Variants in IFT52 observed in about 807,000 individuals in gnomAD.
IFT52 encodes intraflagellar transport protein 52 homolog.
Under a neutral mutation model 54.4 loss-of-function variants are expected in IFT52, and 44 were observed. The ratio of observed to expected loss-of-function variants is 0.81; its 90% CI spans 0.63 to 1.04. The LOEUF (loss-of-function observed/expected upper bound fraction) is 1.04. Ranked by LOEUF, IFT52 falls within the 50% of genes least tolerant of loss-of-function variation. The probability of loss-of-function intolerance (pLI) is 0.00; values close to 1 mark genes in which losing one functional copy is unlikely to be tolerated. For missense variants in IFT52, 452 were observed against 523.6 expected (o/e 0.86, Z 1.33); for synonymous variants, 181 against 185.3 (o/e 0.98, Z 0.19).
At chr20:43,615,884 C>T (rs908441988) in intron 7 of IFT52, among the ~76,000 whole-genome samples, 14 of 152,028 alleles carry the variant, frequency 9.2e-5, no homozygotes, top group Non-Finnish European at 2.9e-5. Context: ...TGCAGTGAGC[C>T]GAGATTGTGC....
intron 10 of IFT52, among the ~76,000 whole-genome samples, chr20:43,635,092 T>C (rs1279694497): frequency 6.6e-6 from 1 of 151,232 alleles, no homozygotes; most frequent in Non-Finnish European, 1.5e-5. Context: ...CACTTGAACC[T>C]GGCAGGCAGA....
At chr20:43,633,109 T>G (rs1985283464) in intron 10 of IFT52, among the ~76,000 whole-genome samples, 2 of 152,186 alleles carry the variant, frequency 1.3e-5, no homozygotes, top group African/African-American at 2.4e-5. Flanking sequence ...TTTGGGAGGC[T>G]GAGGTGGGTG....
chr20:43,609,949 G>A (rs1983288836), intron 6 of IFT52, among the ~76,000 whole-genome samples: 1 of 145,002 alleles, frequency 6.9e-6, no homozygotes, highest in Admixed American at 6.9e-5. Context: ...ACTCCGTCTT[G>A]AAAAAATAAA....
intron 12 of IFT52, among the ~76,000 whole-genome samples, chr20:43,639,625 G>A (rs569421145): frequency 4.6e-5 from 7 of 152,212 alleles, no homozygotes; most frequent in South Asian, 2.1e-4. Context: ...AGCCGAGATC[G>A]TGTCATTGCA....
intron 13 of IFT52, 126 bp downstream of exon 13, chr20:43,642,750 G>A: frequency 1.2e-6 from 1 of 860,398 alleles, no homozygotes; most frequent in Non-Finnish European, 1.8e-6. Context: ...TCTACTAGGT[G>A]AACAAAACAG....
Position 43,623,924 on chromosome 20 carries a change from A to G in IFT52, c.802A>G (p.Thr268Ala). ...SDYMMLPYTA[T>A]LSKRNRECLQ... ...CTACATGATGCTGCCCTACACAGCC[A>G]CCCTATCAAAGCGGAATCGAGAGTG... Residue 268 changes from threonine to alanine, a missense_variant, in exon 10 of 14, where the codon ACC becomes GCC. By Grantham distance (58) the Thr-to-Ala change is moderately conservative. Transcript: ENST00000373030. 1 of 1,614,174 alleles carries G rather than the reference A, an allele frequency of 6.2e-7. No homozygotes were observed. The highest frequency in any genetic ancestry group is 8.5e-7 in the Non-Finnish European group (1 of 1,180,024).
rs761611965 is a variant in IFT52, at chr20:43,594,777, T to G, written c.79T>G (p.Ser27Ala). ...EIFTTNNGYK[S>A]MQKKLRSNWK... is the part of the protein sequence containing the mutation. ...ATTTACCACCAACAATGGCTACAAA[T>G]CCATGCAGAAAAAACTTCGGAGTAA... Residue 27 changes from serine to alanine, a missense_variant, in exon 2 of 14, where the codon TCC becomes GCC. Ser to Ala is a moderately conservative substitution (Grantham distance 99, BLOSUM62 1). Coordinates refer to ENST00000373030, the MANE Select transcript of IFT52 (RefSeq NM_016004.5). 5 of 1,612,466 alleles carry G rather than the reference T, an allele frequency of 3.1e-6. No individual in the cohort carries two copies. In the East Asian group the frequency reaches 8.9e-5, roughly 29 times the overall value.
chr20:43,623,489 C>G (rs1984493561), intron 9 of IFT52, among the ~76,000 whole-genome samples: 1 of 152,170 alleles, frequency 6.6e-6, no homozygotes, highest in Non-Finnish European at 1.5e-5. Context: ...CTGGGAAAAT[C>G]ATTTTGATGG....
At chr20:43,609,958 A>G (rs1983290863) in intron 6 of IFT52, among the ~76,000 whole-genome samples, 1 of 151,110 alleles carries the variant, frequency 6.6e-6, no homozygotes, top group Non-Finnish European at 1.5e-5. Flanking sequence ...TGAAAAAATA[A>G]AATAAAATTA....
At chr20:43,616,921 G>A (rs1359273644) in intron 7 of IFT52, among the ~76,000 whole-genome samples, 1 of 152,072 alleles carries the variant, frequency 6.6e-6, no homozygotes, top group Non-Finnish European at 1.5e-5. Flanking sequence ...GCTGAGGCAG[G>A]AGGATCACTT....
intron 12 of IFT52, among the ~76,000 whole-genome samples, chr20:43,641,393 C>T (rs774736426): frequency 6.6e-6 from 1 of 152,086 alleles, no homozygotes; most frequent in South Asian, 2.1e-4. Flanking sequence ...CATGCACCAC[C>T]ACGCCCGGCT....
intron 10 of IFT52, among the ~76,000 whole-genome samples, chr20:43,626,434 C>T (rs1984728286): frequency 1.3e-5 from 2 of 151,846 alleles, no homozygotes; most frequent in South Asian, 2.1e-4. Flanking sequence ...TTAGTAGAGT[C>T]GGGGTTTCAC....
At chr20:43,621,001 A>T in intron 9 of IFT52, 76 bp downstream of exon 9, 1 of 1,026,500 alleles carries the variant, frequency 9.7e-7, no homozygotes, top group African/African-American at 1.6e-5. Flanking sequence ...ACAGCTCAAA[A>T]GGAATACATG....
chr20:43,611,579 A>C (rs746932389), intron 6 of IFT52, among the ~76,000 whole-genome samples: 17 of 150,106 alleles, frequency 1.1e-4, no homozygotes, highest in Non-Finnish European at 2.5e-4. Flanking sequence ...CTGGGATTAC[A>C]GGTGCCCGCC....
intron 10 of IFT52, among the ~76,000 whole-genome samples, chr20:43,633,491 C>T (rs1489935106): frequency 1.3e-5 from 2 of 151,716 alleles, no homozygotes; most frequent in South Asian, 4.2e-4. Context: ...GGGTGGATCA[C>T]GAGGTCAGGA....
chr20:43,620,269 G>A (rs1418123230), intron 8 of IFT52, among the ~76,000 whole-genome samples: 1 of 152,106 alleles, frequency 6.6e-6, no homozygotes, highest in African/African-American at 2.4e-5. Context: ...ACAGTAAATA[G>A]GGATTAATTC....
intron 12 of IFT52, among the ~76,000 whole-genome samples, chr20:43,638,551 G>A (rs905002044): frequency 1.3e-5 from 2 of 151,964 alleles, no homozygotes; most frequent in Non-Finnish European, 2.9e-5. Flanking sequence ...TAGGAGGATC[G>A]CTTGAACTTA....
At chr20:43,640,016 T>G (rs1181315406) in intron 12 of IFT52, among the ~76,000 whole-genome samples, 1 of 151,508 alleles carries the variant, frequency 6.6e-6, no homozygotes, top group Non-Finnish European at 1.5e-5. Flanking sequence ...TAAACAAAAT[T>G]AGCCGGGCAT....
At chr20:43,646,658 G>A (rs1432733554) in intron 13 of IFT52, among the ~76,000 whole-genome samples, 1 of 152,094 alleles carries the variant, frequency 6.6e-6, no homozygotes, top group Non-Finnish European at 1.5e-5. Flanking sequence ...GACACCCGAG[G>A]CCAATATAAG....
Sources: gnomAD v4.1 joint callset for allele counts (sites outside exome capture counted in the v4.1 genomes callset) on GRCh38, gnomAD v4.1.1 for gene constraint, MANE v1.5 for transcripts, NCBI Gene and HGNC (gene_info 2026-07-23, HGNC 2026-07-21) for gene names.